The following LHFPL4 variants were observed in gnomAD, a reference collection of about 807,000 sequenced individuals.
The protein encoded by LHFPL4 is LHFPL tetraspan subfamily member 4.
A neutral mutation model predicts 20.0 loss-of-function variants in LHFPL4; 6 were observed. The ratio of observed to expected loss-of-function variants is 0.30; its 90% CI spans 0.16 to 0.59. The LOEUF (loss-of-function observed/expected upper bound fraction) is 0.59, where lower values mean the gene tolerates loss of function less well. LHFPL4 is among the 20% of genes least tolerant of loss of function. LHFPL4 has a pLI of 0.88. For synonymous variants in LHFPL4, 129 were observed against 143.8 expected (o/e 0.90, Z 0.74); for missense variants, 215 against 331.2 (o/e 0.65, Z 2.72).
At chr3:9,526,454 T>C (rs900086884) in intron 2 of LHFPL4, among the ~76,000 whole-genome samples, 8 of 152,186 alleles carry the variant, frequency 5.3e-5, no homozygotes, top group Non-Finnish European at 1.2e-4. Context: ...AATCTGACAA[T>C]AGTTTGAATA....
chr3:9,502,269 C>G lies in LHFPL4; in HGVS notation c.686G>C (p.Gly229Ala). The G allele has an allele frequency of 6.2e-7, 1 of 1,613,882 alleles. No individual in the cohort carries two copies. Among genetic ancestry groups the G allele is most frequent in the Non-Finnish European group, 8.5e-7 (1 of 1,179,824 alleles). The change falls in exon 4 of 4, where the codon GGT (glycine) becomes GCT (alanine). Residue 229 changes from glycine (G) to alanine (A), a missense_variant. By Grantham distance (60) the Gly-to-Ala change is moderately conservative. Coordinates refer to ENST00000287585, the MANE Select transcript of LHFPL4 (RefSeq NM_198560.3). The stretch of plus-strand genomic sequence containing the variant: ...AAGGACTCCCCATCCAGAGACATCA[C>G]CCCCGGGCCGCAACACGGAGCTTAC... ...STVSSVLRPGGDVSGWGVLPC... is the reference protein window; with the variant it reads ...STVSSVLRPGADVSGWGVLPC...
chr3:9,520,793 G>A (rs941787910), intron 2 of LHFPL4, among the ~76,000 whole-genome samples: 1 of 152,086 alleles, frequency 6.6e-6, no homozygotes, highest in Non-Finnish European at 1.5e-5. Flanking sequence ...TATAATTTCT[G>A]GTTCTTACAT....
chr3:9,548,555 C>T (rs1410151788), intron 2 of LHFPL4, among the ~76,000 whole-genome samples: 1 of 152,330 alleles, frequency 6.6e-6, no homozygotes, highest in South Asian at 2.1e-4. Flanking sequence ...TCAAGCCTCG[C>T]TTCCCAACTA....
intron 2 of LHFPL4, among the ~76,000 whole-genome samples, chr3:9,523,964 A>G (rs2046356766): frequency 6.6e-6 from 1 of 151,090 alleles, no homozygotes; most frequent in African/African-American, 2.4e-5. Flanking sequence ...CAGAGAGTAC[A>G]CAATTCTAGG....
rs183211767 is a variant in LHFPL4 at position 9,531,744 on chromosome 3, T to G, written c.406+20530A>C. ...TGAACCCGGGAACGGGAGGCTGCAG[T>G]GAGCCAAGATGGGCCACTGCACTCC... On this transcript the variant is annotated intron_variant, in intron 2 of 3. Transcript: ENST00000287585. Among the ~76,000 whole-genome samples the G allele has an allele frequency of 1.4e-3, 212 of 151,804 alleles. 2 individuals are homozygous for G. The highest frequency in any genetic ancestry group is 1.3e-3 in the Non-Finnish European group (85 of 67,958).
chr3:9,535,948 C>T (rs1180964068), intron 2 of LHFPL4, among the ~76,000 whole-genome samples: 3 of 152,118 alleles, frequency 2.0e-5, no homozygotes, highest in Non-Finnish European at 2.9e-5. Flanking sequence ...ACTACAGCCA[C>T]GCACCACCAC....
rs549482349 is a variant in LHFPL4 at position 9,533,542 on chromosome 3, C to T, written c.406+18732G>A. Among the ~76,000 whole-genome samples the T allele has an allele frequency of 2.6e-5, 4 of 152,224 alleles. No homozygotes were observed. In the South Asian group the frequency reaches 8.3e-4, roughly 32 times the overall value. On this transcript the variant is annotated intron_variant, in intron 2 of 3. Coordinates refer to ENST00000287585, the MANE Select transcript of LHFPL4 (RefSeq NM_198560.3). The stretch of plus-strand genomic sequence containing the variant: ...TCACGCCTGTAATCCCAACACTTTG[C>T]GAGGCCAAGGTGGGCGGATCACGAG...
chr3:9,517,813 T>G (rs992005152), intron 2 of LHFPL4, among the ~76,000 whole-genome samples: 4 of 150,524 alleles, frequency 2.7e-5, no homozygotes, highest in Non-Finnish European at 4.4e-5. Context: ...TTTTTGTTTT[T>G]TTTTTTTTGC....
intron 2 of LHFPL4, among the ~76,000 whole-genome samples, chr3:9,533,269 C>T (rs983208859): frequency 3.3e-5 from 5 of 152,126 alleles, no homozygotes; most frequent in South Asian, 2.1e-4. Flanking sequence ...CTAGAAGGTT[C>T]GTAGGAGCTT....
chr3:9,532,318 C>T (rs1057341663), intron 2 of LHFPL4, among the ~76,000 whole-genome samples: 2 of 152,044 alleles, frequency 1.3e-5, no homozygotes, highest in Non-Finnish European at 2.9e-5. Context: ...CATGAGCCAC[C>T]GTGCCCGGCC....
chr3:9,519,887 G>T (rs2046327407), intron 2 of LHFPL4, among the ~76,000 whole-genome samples: 1 of 152,028 alleles, frequency 6.6e-6, no homozygotes, highest in African/African-American at 2.4e-5. Flanking sequence ...TTGAACTCCT[G>T]GGCTCAAGTG....
At chr3:9,505,313 G>A (rs2046209586) in intron 3 of LHFPL4, among the ~76,000 whole-genome samples, 1 of 151,682 alleles carries the variant, frequency 6.6e-6, no homozygotes. Flanking sequence ...CTGTAGTCCA[G>A]GCTGGAGTGC....
intron 2 of LHFPL4, among the ~76,000 whole-genome samples, chr3:9,523,090 A>AAGAAAGAAAGAGAG (rs1487753781): frequency 3.5e-5 from 5 of 142,986 alleles, no homozygotes; most frequent in African/African-American, 1.3e-4. Flanking sequence ...GAAAGAAAGA[A>AAGAAAGAAAGAGAG]AGAGAGAGAG....
rs1165791125 is a variant in LHFPL4, at chr3:9,506,175, G to T, written c.435C>A (p.Ile145=). ...TCTCGGCATCCCAGCCATCAGGAAA[G>T]ATCATGCAGCCCAGGACGAGGCACA... ...AALCLVLGCM[I]FPDGWDAETI... is the part of the protein sequence containing the mutation. The change falls in exon 3 of 4, where the codon ATC becomes ATA. Residue 145 remains isoleucine, a synonymous_variant. Transcript: ENST00000287585. This position sits in a 1 kb window ranked among gnomAD's most constrained non-coding sequence, Gnocchi z 4.5. 1 of 1,614,172 alleles carries T rather than the reference G, an allele frequency of 6.2e-7. No individual in the cohort carries two copies. The highest frequency in any genetic ancestry group is 1.7e-5 in the Admixed American group (1 of 60,024).
intron 2 of LHFPL4, among the ~76,000 whole-genome samples, chr3:9,532,270 C>G (rs2046414467): frequency 6.6e-6 from 1 of 152,164 alleles, no homozygotes; most frequent in African/African-American, 2.4e-5. Flanking sequence ...CTTAGGTGAT[C>G]TGCCCGCCTT....
chr3:9,525,460 G>C (rs547462041), intron 2 of LHFPL4, among the ~76,000 whole-genome samples: 1 of 152,338 alleles, frequency 6.6e-6, no homozygotes, highest in East Asian at 1.9e-4. Context: ...GGGGGCAGCA[G>C]TTTGCCCTGT....
chr3:9,542,145 G>C (rs12485912), intron 2 of LHFPL4, among the ~76,000 whole-genome samples: 14,607 of 152,204 alleles, frequency 0.096, 936 homozygotes, highest in Non-Finnish European at 0.15. Context: ...AATTAGCCAA[G>C]TGTGGTGGCA....
intron 2 of LHFPL4, among the ~76,000 whole-genome samples, chr3:9,523,116 A>G (rs2046350964): frequency 6.8e-6 from 1 of 146,248 alleles, no homozygotes; most frequent in South Asian, 2.2e-4. Context: ...GAAAGCAAGC[A>G]AGCAAGCAAG....
intron 2 of LHFPL4, among the ~76,000 whole-genome samples, chr3:9,539,181 A>G (rs1379046254): frequency 6.6e-6 from 1 of 151,996 alleles, no homozygotes; most frequent in Non-Finnish European, 1.5e-5. Context: ...GGGGCTGGGC[A>G]TGGTGGCTCA....
Sources: gnomAD v4.1 joint callset for allele counts (sites outside exome capture counted in the v4.1 genomes callset) on GRCh38, gnomAD v4.1.1 for gene constraint, Gnocchi (gnomAD v3.1) non-coding constraint, MANE v1.5 for transcripts, NCBI Gene and HGNC (gene_info 2026-07-23, HGNC 2026-07-21) for gene names.